The following COL6A6 variants were observed in gnomAD, a reference collection of about 807,000 sequenced individuals.
The protein encoded by COL6A6 is collagen alpha-6(VI) chain.
Under a neutral mutation model 208.6 loss-of-function variants are expected in COL6A6, and 183 were observed. That is an observed-to-expected ratio of 0.88 (90% confidence interval 0.78 to 0.99). COL6A6 has a LOEUF of 0.99. COL6A6 is among the 50% of genes least tolerant of loss of function. The pLI is 0.00. For missense variants in COL6A6, 2,816 were observed against 2,815.2 expected, an observed-to-expected ratio of 1.00 and a Z score of -0.01; for synonymous variants, 973 against 1,011.8, an observed-to-expected ratio of 0.96 and a Z score of 0.73.
intron 31 of COL6A6, among the ~76,000 whole-genome samples, chr3:130,644,201 G>A (rs942759419): frequency 2.0e-5 from 3 of 152,290 alleles, no homozygotes; most frequent in Middle Eastern, 3.4e-3. Flanking sequence ...GTGATTGTGC[G>A]AACAACATGG....
intron 36 of COL6A6, among the ~76,000 whole-genome samples, chr3:130,673,137 C>T (rs555962439): frequency 8.3e-4 from 122 of 147,170 alleles, no homozygotes; most frequent in Non-Finnish European, 1.5e-3. Context: ...CGAGATCGTG[C>T]CACTGCACTC....
At chr3:130,604,091 C>T (rs1351889306) in intron 20 of COL6A6, among the ~76,000 whole-genome samples, 1 of 152,220 alleles carries the variant, frequency 6.6e-6, no homozygotes, top group Non-Finnish European at 1.5e-5. Context: ...ATATAAAACA[C>T]TTGAAAATTT....
chr3:130,638,486 T>TCCTTCA (rs1576375033), intron 28 of COL6A6, among the ~76,000 whole-genome samples: 1 of 152,206 alleles, frequency 6.6e-6, no homozygotes, highest in African/African-American at 2.4e-5. Context: ...ACTGCAATTG[T>TCCTTCA]CCTTCACCTT....
chr3:130,582,099 G>T lies in COL6A6; in HGVS notation c.3970+31G>T, dbSNP rs533392398. The T allele has an allele frequency of 5.2e-6, 7 of 1,335,048 alleles. No individual in the cohort carries two copies. In the African/African-American group the frequency reaches 1.0e-4, roughly 20 times the overall value. The allele number at this position is 1,335,048 out of a possible 1,614,324, so 82.7% of individuals were successfully genotyped here. On this transcript the variant is annotated intron_variant, in intron 10 of 36. Transcript: ENST00000358511. ...GAGTATGGAGAAGTGGGAAGGGAGT[G>T]CTTATTAACTTTATAATCTCAGAAC...
At position 130,574,238 on chromosome 3, in the gene COL6A6, A is replaced by C; in HGVS notation, c.3260A>C (p.Glu1087Ala). 6.2e-7 allele frequency: 1 copy of C among 1,614,044 alleles called. No homozygotes were observed. Among genetic ancestry groups the C allele is most frequent in the Non-Finnish European group, 8.5e-7 (1 of 1,179,898 alleles). The change falls in exon 8 of 37, where the codon GAA becomes GCA. Residue 1087 changes from glutamate (E) to alanine (A), a missense_variant. Coordinates refer to ENST00000358511, the MANE Select transcript of COL6A6 (RefSeq NM_001102608.3). ...THIGAALREVEHYFRPDMGSR... is the reference protein window; with the variant it reads ...THIGAALREVAHYFRPDMGSR... ...ATCGGTGCTGCACTCAGGGAGGTGG[A>C]ACATTACTTCAGGCCAGACATGGGC...
chr3:130,653,405 T>G (rs1222240850), intron 33 of COL6A6, among the ~76,000 whole-genome samples: 1 of 152,334 alleles, frequency 6.6e-6, no homozygotes, highest in East Asian at 1.9e-4. Flanking sequence ...CCAACCTTTT[T>G]ATTTTGAAGA....
At chr3:130,547,484 C>T (rs9637366) in intron 1 of COL6A6, among the ~76,000 whole-genome samples, 1 of 152,226 alleles carries the variant, frequency 6.6e-6, no homozygotes, top group Non-Finnish European at 1.5e-5. Flanking sequence ...CGGCTCCGGC[C>T]TTGGCCAGCC....
At chr3:130,540,285 A>G (rs1029899544) in intron 1 of COL6A6, among the ~76,000 whole-genome samples, 1 of 152,176 alleles carries the variant, frequency 6.6e-6, no homozygotes, top group Admixed American at 6.5e-5. Context: ...CTGATTATCA[A>G]TATCCTCTAT....
rs373916516 is a variant in COL6A6 at position 130,643,024 on chromosome 3, G to T, written c.5227+1G>T. 1 of 1,613,030 alleles carries T rather than the reference G, an allele frequency of 6.2e-7. No individual in the cohort carries two copies. The highest frequency in any genetic ancestry group is 8.5e-7 in the Non-Finnish European group (1 of 1,179,138). ...ATTCAGTATGTGCGAGACCGCAGTC[G>T]TAAGTACCCTGCTTAAAATGATCAC... On this transcript the variant is annotated splice_donor_variant, in intron 31 of 36. Transcript: ENST00000358511. LOFTEE classifies it high-confidence loss of function.
At position 130,565,376 on chromosome 3, in the gene COL6A6, G is replaced by T. The variant is rs2062993018; in HGVS notation, c.1044G>T (p.Val348=). The part of the protein sequence containing the change: ...LVTHRDSEDN[V]TKAAVNLRRE... ...CCCACCGAGATTCAGAAGACAACGTGACAAAAGCAGCTGTTAACCTCCGAC... is the reference window on the plus strand; with the variant it reads ...CCCACCGAGATTCAGAAGACAACGTTACAAAAGCAGCTGTTAACCTCCGAC... The change falls in exon 4 of 37, where the codon GTG becomes GTT. Residue 348 remains valine, a synonymous_variant. Coordinates refer to ENST00000358511, the MANE Select transcript of COL6A6 (RefSeq NM_001102608.3). 3.7e-6 allele frequency: 6 copies of T among 1,613,938 alleles called. No homozygotes were observed. In the East Asian group the frequency reaches 1.3e-4, roughly 36 times the overall value.
intron 20 of COL6A6, among the ~76,000 whole-genome samples, chr3:130,605,976 G>A (rs1166988474): frequency 6.6e-6 from 1 of 152,162 alleles, no homozygotes; most frequent in Non-Finnish European, 1.5e-5. Flanking sequence ...CTCCCACTGG[G>A]TCCCTCCCAC....
chr3:130,571,941 C>A (rs1372594796), intron 7 of COL6A6, among the ~76,000 whole-genome samples: 1 of 151,548 alleles, frequency 6.6e-6, no homozygotes, highest in African/African-American at 2.4e-5. Context: ...CCTTGGCCTC[C>A]CAAAGTGCTG....
Position 130,594,074 on chromosome 3 carries a change from A to C in COL6A6, c.4471-207A>C, listed in dbSNP as rs2063786176. ...CAAGTGTGTCTGGAACACAGAGTTCACCACTGTGGCAAATAATTGAGTTCA... is the reference window on the plus strand; with the variant it reads ...CAAGTGTGTCTGGAACACAGAGTTCCCCACTGTGGCAAATAATTGAGTTCA... On this transcript the variant is annotated intron_variant, in intron 17 of 36. Coordinates refer to ENST00000358511, the MANE Select transcript of COL6A6 (RefSeq NM_001102608.3). Among the ~76,000 whole-genome samples the C allele has an allele frequency of 2.6e-5, 4 of 152,238 alleles. No homozygotes were observed. The South Asian group carries it at 8.3e-4, about 32-fold the overall frequency.
At chr3:130,557,709 G>A (rs2062797895) in intron 1 of COL6A6, among the ~76,000 whole-genome samples, 1 of 152,112 alleles carries the variant, frequency 6.6e-6, no homozygotes, top group Admixed American at 6.6e-5. Flanking sequence ...TGGGCTCTTA[G>A]TACCTTTTTT....
In COL6A6 at chr3:130,568,740, C is replaced by G. The variant is rs1022267959; in HGVS notation, c.2401+136C>G. On this transcript the variant is annotated intron_variant, in intron 6 of 36. Coordinates refer to ENST00000358511, the MANE Select transcript of COL6A6 (RefSeq NM_001102608.3). ...GAAATGTTTCTCCTAGTGGCTTTGA[C>G]CTGTTGAATTAAACAGACAGTGAGG... The G allele has an allele frequency of 5.8e-6, 5 of 858,414 alleles. No individual in the cohort carries two copies. The African/African-American group carries it at 8.5e-5, about 15-fold the overall frequency. The allele number at this position is 858,414 out of a possible 1,614,324, so 53.2% of individuals were successfully genotyped here.
chr3:130,574,379 C>T lies in COL6A6; in HGVS notation c.3401C>T (p.Ser1134Phe). ...AGACACAGAGGTATCGACATCTACT[C>T]CGTGGGCATTGGGGATGTGGATGAC... Reference protein sequence around the residue: ...ALRHRGIDIYSVGIGDVDDQQ... With the variant: ...ALRHRGIDIYFVGIGDVDDQQ... Residue 1134 changes from serine to phenylalanine, a missense_variant, in exon 8 of 37, where the codon TCC (serine) becomes TTC (phenylalanine). Physicochemically the swap from Ser to Phe is radical, Grantham distance 155. Transcript: ENST00000358511. The T allele has an allele frequency of 6.2e-7, 1 of 1,614,002 alleles. No homozygotes were observed. Among genetic ancestry groups the T allele is most frequent in the Middle Eastern group, 1.6e-4 (1 of 6,062 alleles).
intron 20 of COL6A6, among the ~76,000 whole-genome samples, 196 bp downstream of exon 20, chr3:130,600,006 AC>A (rs1426089154): frequency 6.6e-6 from 1 of 152,200 alleles, no homozygotes; most frequent in Admixed American, 6.5e-5. Context: ...GAAAGTGCTG[AC>A]TGCAGAGCAG....
At chr3:130,546,144 C>A (rs1443973357) in intron 1 of COL6A6, among the ~76,000 whole-genome samples, 3 of 152,110 alleles carry the variant, frequency 2.0e-5, no homozygotes, top group South Asian at 2.1e-4. Context: ...AAGAATGAAG[C>A]CCCGGACCCT....
intron 10 of COL6A6, among the ~76,000 whole-genome samples, chr3:130,583,030 C>T (rs1225329299): frequency 3.9e-5 from 6 of 152,240 alleles, no homozygotes; most frequent in African/African-American, 1.4e-4. Flanking sequence ...GTTTTCCTCA[C>T]TCCCTTTCTT....
Sources: allele counts gnomAD v4.1 joint callset (sites outside exome capture counted in the v4.1 genomes callset), GRCh38; gene constraint gnomAD v4.1.1; transcripts MANE v1.5; gene names NCBI Gene and HGNC (gene_info 2026-07-23, HGNC 2026-07-21).